CDH11: variants seen among roughly 807,000 people sequenced by gnomAD.
The protein encoded by CDH11 is cadherin 11, also known as cadherin-11.
CDH11 carries 11 observed loss-of-function variants against 67.8 expected under a neutral mutation model. The ratio of observed to expected loss-of-function variants is 0.16; its 90% CI spans 0.10 to 0.27. CDH11 has a LOEUF of 0.27. Among genes scored for constraint, CDH11 ranks in the 10% least tolerant of loss-of-function variants. The pLI is 1.00. For missense variants in CDH11, 847 were observed against 1,031.2 expected, an observed-to-expected ratio of 0.82 and a Z score of 2.45; for synonymous variants, 419 against 400.0, an observed-to-expected ratio of 1.05 and a Z score of -0.57.
rs2071211799 is a variant in CDH11, at chr16:64,947,002, A to C, written c.*601T>G. 1 of 1,010,200 alleles carries C rather than the reference A, an allele frequency of 9.9e-7. No individual in the cohort carries two copies. The highest frequency in any genetic ancestry group is 4.7e-5 in the South Asian group (1 of 21,256). The allele number at this position is 1,010,200 out of a possible 1,614,324, so 62.6% of individuals were successfully genotyped here. The stretch of plus-strand genomic sequence containing the variant: ...AGGGCGTCTCTCACTGAAACAAGAC[A>C]GTTATATCTGGCACGTATTAGTTTA... On this transcript the variant is annotated 3_prime_UTR_variant, in exon 13 of 13. Transcript: ENST00000268603.
intron 2 of CDH11, among the ~76,000 whole-genome samples, chr16:65,006,161 G>A (rs946074632): frequency 1.3e-5 from 2 of 152,148 alleles, no homozygotes; most frequent in African/African-American, 2.4e-5. Flanking sequence ...TCTCTCTGGA[G>A]TGCCACCCAG....
At chr16:65,084,474 G>A (rs1318819890) in intron 1 of CDH11, among the ~76,000 whole-genome samples, 1 of 151,340 alleles carries the variant, frequency 6.6e-6, no homozygotes, top group African/African-American at 2.4e-5. Flanking sequence ...AAAAGAAAAA[G>A]AAGAAGAAGC....
chr16:65,002,097 C>A (rs576797738), intron 3 of CDH11, among the ~76,000 whole-genome samples: 14 of 152,294 alleles, frequency 9.2e-5, no homozygotes, highest in African/African-American at 3.1e-4. Context: ...CAGCACATTT[C>A]AAAAGAAAGA....
chr16:65,109,967 G>A (rs959452643), intron 1 of CDH11, among the ~76,000 whole-genome samples: 1 of 152,074 alleles, frequency 6.6e-6, no homozygotes, highest in African/African-American at 2.4e-5. Flanking sequence ...CTGCAGCCTC[G>A]ACCTCTCCGG....
chr16:65,010,343 C>A lies in CDH11; in HGVS notation c.-172-5302G>T, dbSNP rs551189295. Among the ~76,000 whole-genome samples the A allele has an allele frequency of 7.9e-5, 12 of 152,232 alleles. No individual in the cohort carries two copies. In the East Asian group the frequency reaches 2.3e-3, roughly 29 times the overall value. The stretch of plus-strand genomic sequence containing the variant: ...ATTCAAGCATATTTTATTCCCCGTT[C>A]AGATCTCATCACTCAGCACTGAGCT... On this transcript the variant is annotated intron_variant, in intron 2 of 12. Transcript: ENST00000268603.
At chr16:65,110,026 G>A (rs532146256) in intron 1 of CDH11, among the ~76,000 whole-genome samples, 5 of 152,204 alleles carry the variant, frequency 3.3e-5, no homozygotes, top group African/African-American at 4.8e-5. Context: ...ACGTGACACC[G>A]TGCTCAGCTA....
intron 12 of CDH11, 32 bp from the exon 13 acceptor site, chr16:64,948,131 G>A (rs769791846): frequency 7.6e-6 from 12 of 1,588,312 alleles, no homozygotes; most frequent in East Asian, 6.7e-5. Context: ...GTAAGCATTC[G>A]TTAAGTCCAG....
chr16:65,100,233 G>T (rs899196535), intron 1 of CDH11, among the ~76,000 whole-genome samples: 2 of 152,064 alleles, frequency 1.3e-5, no homozygotes, highest in Admixed American at 6.6e-5. Flanking sequence ...GCTAAGTGAA[G>T]TTTGGGATGC....
Position 64,992,964 on chromosome 16 carries a change from C to T in CDH11, c.594G>A (p.Val198=). The T allele has an allele frequency of 1.7e-5, 27 of 1,612,084 alleles. No individual in the cohort carries two copies. The highest frequency in any genetic ancestry group is 2.3e-5 in the Non-Finnish European group (27 of 1,178,182). Residue 198 remains valine, a synonymous_variant, in exon 5 of 13, where the codon GTG becomes GTA. Transcript: ENST00000268603. ...DPTYGNSAKL[V]YSILEGQPYF... ...AGGGTTGTCCTTCGAGGATACTGTA[C>T]ACTAACTTGGCGCTATTTCCATAAG...
At chr16:64,965,590 G>A (rs1433981666) in intron 11 of CDH11, among the ~76,000 whole-genome samples, 3 of 152,074 alleles carry the variant, frequency 2.0e-5, no homozygotes, top group Non-Finnish European at 4.4e-5. Flanking sequence ...CCTACCTGAA[G>A]CTGTTTTAAA....
At chr16:65,064,384 C>T (rs1056581145) in intron 1 of CDH11, among the ~76,000 whole-genome samples, 16 of 152,212 alleles carry the variant, frequency 1.1e-4, no homozygotes, top group Admixed American at 8.5e-4. Context: ...GTGCACATCA[C>T]GCTATTGTTT....
chr16:64,973,223 C>T lies in CDH11; in HGVS notation c.1254-183G>A, dbSNP rs577101845. 7.9e-5 allele frequency among the ~76,000 whole-genome samples: 12 copies of T among 152,264 alleles called. No individual in the cohort carries two copies. The South Asian group carries it at 1.7e-3, about 21-fold the overall frequency. On this transcript the variant is annotated intron_variant, in intron 8 of 12. Coordinates refer to ENST00000268603, the MANE Select transcript of CDH11 (RefSeq NM_001797.4). ...TTCTTTTATAGAAATAACTTTGCCA[C>T]ATTGGAATTCCTTATTCAGTACAAT...
At chr16:65,007,350 T>C (rs1046888150) in intron 2 of CDH11, among the ~76,000 whole-genome samples, 3 of 152,132 alleles carry the variant, frequency 2.0e-5, no homozygotes, top group Non-Finnish European at 4.4e-5. Context: ...ACTCTTAATA[T>C]TGGTTGTAAA....
At chr16:65,019,407 T>C (rs2073377946) in intron 2 of CDH11, among the ~76,000 whole-genome samples, 1 of 152,180 alleles carries the variant, frequency 6.6e-6, no homozygotes, top group Non-Finnish European at 1.5e-5. Flanking sequence ...ATCTGTCTCC[T>C]TTCTCTCCTT....
chr16:64,975,356 G>A (rs747276853), intron 8 of CDH11, among the ~76,000 whole-genome samples: 29 of 152,156 alleles, frequency 1.9e-4, no homozygotes, highest in Non-Finnish European at 3.8e-4. Flanking sequence ...ATAAAAGAAC[G>A]CAAGCTCTCA....
intron 1 of CDH11, among the ~76,000 whole-genome samples, chr16:65,062,601 A>G (rs558536655): frequency 2.6e-5 from 4 of 152,354 alleles, no homozygotes; most frequent in African/African-American, 9.6e-5. Context: ...AATTAGGTTA[A>G]GAAAAAAATG....
chr16:65,114,669 G>A (rs1228911050), intron 1 of CDH11, among the ~76,000 whole-genome samples: 1 of 152,148 alleles, frequency 6.6e-6, no homozygotes, highest in South Asian at 2.1e-4. Flanking sequence ...GGGAACGCCA[G>A]CCTGGAGCAA....
intron 1 of CDH11, among the ~76,000 whole-genome samples, chr16:65,069,307 A>C (rs1442512552): frequency 6.6e-6 from 1 of 152,234 alleles, no homozygotes; most frequent in Non-Finnish European, 1.5e-5. Flanking sequence ...ATAATGTAAA[A>C]ATATTTCTGA....
intron 2 of CDH11, among the ~76,000 whole-genome samples, chr16:65,021,890 A>AAAAG (rs1567533129): frequency 4.0e-5 from 6 of 150,700 alleles, no homozygotes; most frequent in African/African-American, 4.9e-5. Context: ...AAAAAAAAAA[A>AAAAG]AAAGAAAGAA....
Sources: allele counts gnomAD v4.1 joint callset (sites outside exome capture counted in the v4.1 genomes callset), GRCh38; gene constraint gnomAD v4.1.1; transcripts MANE v1.5; gene names NCBI Gene and HGNC (gene_info 2026-07-23, HGNC 2026-07-21).